Variants in CCDC148 observed in about 807,000 individuals in gnomAD.
CCDC148 encodes coiled-coil domain containing 148, also known as coiled-coil domain-containing protein 148.
CCDC148 carries 89 observed loss-of-function variants against 85.7 expected under a neutral mutation model. The ratio of observed to expected loss-of-function variants is 1.04; its 90% CI spans 0.87 to 1.24. The LOEUF is 1.24. Ranked by LOEUF, CCDC148 falls within the 50% of genes most tolerant of loss-of-function variation. The pLI is 0.00. For missense variants in CCDC148, 692 were observed against 671.7 expected (o/e 1.03, Z -0.33); for synonymous variants, 230 against 213.9 (o/e 1.08, Z -0.66).
chr2:158,179,033 CATA>C, intron 11 of CCDC148, 37 bp from the exon 12 acceptor site: 2 of 1,483,026 alleles, frequency 1.3e-6, no homozygotes, highest in Non-Finnish European at 9.4e-7. Flanking sequence ...GTGGAAGCAT[CATA>C]ATAATATTGG....
At chr2:158,406,627 T>TTTTTTTGTTTTTTTTTG (rs1686026812) in intron 1 of CCDC148, among the ~76,000 whole-genome samples, 3 of 135,694 alleles carry the variant, frequency 2.2e-5, no homozygotes, top group Non-Finnish European at 3.2e-5. Context: ...TTTTTTTTTT[T>TTTTTTTGTTTTTTTTTG]TTTTTTTTTT....
chr2:158,259,484 T>C (rs1019935313), intron 9 of CCDC148, among the ~76,000 whole-genome samples: 1 of 151,984 alleles, frequency 6.6e-6, no homozygotes, highest in Non-Finnish European at 1.5e-5. Context: ...GATATACAAA[T>C]GCTATTTATG....
chr2:158,232,871 G>A (rs1372050021), intron 10 of CCDC148, among the ~76,000 whole-genome samples: 5 of 152,090 alleles, frequency 3.3e-5, no homozygotes, highest in Non-Finnish European at 7.4e-5. Flanking sequence ...GAAGGGTAAG[G>A]GGCAGGGGAT....
intron 8 of CCDC148, among the ~76,000 whole-genome samples, chr2:158,310,116 G>A (rs1691906053): frequency 1.3e-5 from 2 of 152,114 alleles, no homozygotes; most frequent in African/African-American, 2.4e-5. Flanking sequence ...ATTAGGGAGT[G>A]GTGATGACTC....
rs143826093 is a variant in CCDC148 at position 158,415,363 on chromosome 2, C to G, written c.25+41052G>C. ...GAGAACAGCAAGGGGGAAGTGCACC[C>G]CCTTGATCCAATCACCTCCCACTGG... On this transcript the variant is annotated intron_variant, in intron 1 of 13. Transcript: ENST00000283233. Among the ~76,000 whole-genome samples the G allele has an allele frequency of 4.7e-3, 709 of 152,138 alleles. 1 individual carries two copies. Among genetic ancestry groups the G allele is most frequent in the African/African-American group, 0.016 (647 of 41,496 alleles).
chr2:158,440,529 A>C (rs1187719699), intron 1 of CCDC148, among the ~76,000 whole-genome samples: 1 of 152,176 alleles, frequency 6.6e-6, no homozygotes, highest in Non-Finnish European at 1.5e-5. Flanking sequence ...TGAAACCTCG[A>C]ATAGTACCAT....
intron 7 of CCDC148, among the ~76,000 whole-genome samples, chr2:158,323,833 G>A (rs867835440): frequency 1.3e-5 from 2 of 148,158 alleles, no homozygotes; most frequent in African/African-American, 5.0e-5. Context: ...CTTTAACTTA[G>A]ATTTTTAAAA....
intron 1 of CCDC148, among the ~76,000 whole-genome samples, chr2:158,417,038 C>A (rs1257142140): frequency 2.0e-5 from 3 of 152,120 alleles, no homozygotes; most frequent in Admixed American, 6.6e-5. Context: ...GTGCTATACA[C>A]TTTTAAACAA....
At chr2:158,323,731 T>G (rs189292133) in intron 7 of CCDC148, among the ~76,000 whole-genome samples, 4 of 152,242 alleles carry the variant, frequency 2.6e-5, no homozygotes, top group Non-Finnish European at 5.9e-5. Context: ...AAACAGAGCT[T>G]TTAAGATGGG....
chr2:158,214,121 T>TAAAAAA (rs70990697), intron 11 of CCDC148, among the ~76,000 whole-genome samples: 35 of 96,590 alleles, frequency 3.6e-4, no homozygotes, highest in East Asian at 1.9e-3. Flanking sequence ...AACATTGTGG[T>TAAAAAA]AAAAAAAAAA....
intron 9 of CCDC148, among the ~76,000 whole-genome samples, chr2:158,254,985 C>CAAAAAA (rs58809618): frequency 1.5e-5 from 2 of 131,128 alleles, no homozygotes; most frequent in African/African-American, 2.7e-5. Context: ...TTCTTTTCTC[C>CAAAAAA]AAAAAAAAAA....
chr2:158,256,523 A>G (rs1013165217), intron 9 of CCDC148, among the ~76,000 whole-genome samples: 2 of 151,846 alleles, frequency 1.3e-5, no homozygotes, highest in African/African-American at 4.8e-5. Flanking sequence ...TCTATTGGCC[A>G]TATTTATGGA....
At chr2:158,291,692 AATGT>A (rs1690902613) in intron 9 of CCDC148, among the ~76,000 whole-genome samples, 1 of 152,108 alleles carries the variant, frequency 6.6e-6, no homozygotes. Flanking sequence ...ATAACAGCCA[AATGT>A]TTATGTGTCT....
chr2:158,195,047 G>A (rs1475282842), intron 11 of CCDC148, among the ~76,000 whole-genome samples: 1 of 151,652 alleles, frequency 6.6e-6, no homozygotes, highest in Non-Finnish European at 1.5e-5. Flanking sequence ...CTGGTCCTGG[G>A]TCCATCTGAG....
intron 1 of CCDC148, among the ~76,000 whole-genome samples, chr2:158,408,779 T>C (rs1412043406): frequency 3.3e-5 from 5 of 152,072 alleles, no homozygotes; most frequent in Non-Finnish European, 7.4e-5. Context: ...ATTTTTTCCA[T>C]AATGGCTGTA....
chr2:158,328,288 T>A (rs1000349970), intron 7 of CCDC148, among the ~76,000 whole-genome samples: 1 of 152,160 alleles, frequency 6.6e-6, no homozygotes, highest in Non-Finnish European at 1.5e-5. Flanking sequence ...CTTGCAATAG[T>A]TTGCTGAGAA....
At chr2:158,215,142 T>A (rs1468607574) in intron 11 of CCDC148, among the ~76,000 whole-genome samples, 3 of 152,104 alleles carry the variant, frequency 2.0e-5, no homozygotes, top group African/African-American at 7.2e-5. Flanking sequence ...ATGTAACATA[T>A]AACAAAGGTG....
intron 9 of CCDC148, among the ~76,000 whole-genome samples, chr2:158,296,901 T>C (rs2105194936): frequency 6.6e-6 from 1 of 152,350 alleles, no homozygotes; most frequent in African/African-American, 2.4e-5. Context: ...AAATGCCATC[T>C]GCTGCTGTGA....
chr2:158,416,654 G>C (rs183182667), intron 1 of CCDC148, among the ~76,000 whole-genome samples: 1 of 152,180 alleles, frequency 6.6e-6, no homozygotes, highest in East Asian at 1.9e-4. Flanking sequence ...CAGCATTTTG[G>C]TCATAACAAC....
Sources: allele counts gnomAD v4.1 joint callset (sites outside exome capture counted in the v4.1 genomes callset), GRCh38; gene constraint gnomAD v4.1.1; transcripts MANE v1.5; gene names NCBI Gene and HGNC (gene_info 2026-07-23, HGNC 2026-07-21).